MORN1: variants seen among roughly 807,000 people sequenced by gnomAD.
The protein encoded by MORN1 is MORN repeat containing 1.
MORN1 carries 67 observed loss-of-function variants against 61.9 expected under a neutral mutation model. The ratio of observed to expected loss-of-function variants is 1.08; its 90% CI spans 0.89 to 1.33. The LOEUF is 1.33. Among genes scored for constraint, MORN1 ranks in the 40% most tolerant of loss-of-function variants. The pLI is 0.00. For synonymous variants in MORN1, 301 were observed against 292.0 expected (o/e 1.03, Z -0.31); for missense variants, 752 against 691.2 (o/e 1.09, Z -0.99).
In MORN1 at chr1:2,321,341, C is replaced by T. The variant is rs1395210962; in HGVS notation, c.*42G>A. On this transcript the variant is annotated 3_prime_UTR_variant, in exon 14 of 14. Coordinates refer to ENST00000378531, the MANE Select transcript of MORN1 (RefSeq NM_024848.3). Reference sequence around the variant, plus strand: ...AGTCACGCAAGCAGAGGCAGCGTTTCCTTCCATTCACACCGAGGTGGCCTC... The same window carrying T: ...AGTCACGCAAGCAGAGGCAGCGTTTTCTTCCATTCACACCGAGGTGGCCTC... 7.4e-7 allele frequency: 1 copy of T among 1,356,358 alleles called. No individual in the cohort carries two copies. Among genetic ancestry groups the T allele is most frequent in the Non-Finnish European group, 9.8e-7 (1 of 1,016,822 alleles). 84.0% of individuals were successfully genotyped at this position (1,356,358 alleles called of 1,614,324 possible).
chr1:2,348,132 G>A (rs945361327), intron 10 of MORN1, among the ~76,000 whole-genome samples: 1 of 152,204 alleles, frequency 6.6e-6, no homozygotes, highest in African/African-American at 2.4e-5. Context: ...CCGTCGGTCT[G>A]GAACATTCCC....
chr1:2,374,684 C>A, intron 6 of MORN1, 127 bp from the exon 7 acceptor site: 2 of 710,966 alleles, frequency 2.8e-6, no homozygotes, highest in Non-Finnish European at 4.7e-6. Flanking sequence ...AAAACCACAT[C>A]GTCTCGAGGG....
At chr1:2,321,620 C>G (rs377111535) in intron 13 of MORN1, 41 bp from the exon 14 acceptor site, 2 of 1,436,256 alleles carry the variant, frequency 1.4e-6, no homozygotes, top group East Asian at 2.7e-5. Flanking sequence ...AGGCTCCTGT[C>G]CCTTCCCCTC....
rs1642154507 is a variant in MORN1 at position 2,372,935 on chromosome 1, T to A, written c.635-344A>T. ...ATGTTCCCGCACGTCTTCCCGCTGG[T>A]CGGGATTTAGGCCCTGCATTCCCTG... On this transcript the variant is annotated intron_variant, in intron 7 of 13. Transcript: ENST00000378531. This position sits in a 1 kb window ranked among gnomAD's most constrained non-coding sequence, Gnocchi z 5.4. Among the ~76,000 whole-genome samples, 1 of 152,238 alleles carries A rather than the reference T, an allele frequency of 6.6e-6. No individual in the cohort carries two copies. Among genetic ancestry groups the A allele is most frequent in the African/African-American group, 2.4e-5 (1 of 41,464 alleles).
intron 6 of MORN1, chr1:2,377,365 G>A (rs1214658646): frequency 6.6e-6 from 1 of 152,312 alleles, no homozygotes; most frequent in African/African-American, 2.4e-5. Flanking sequence ...TGTCCTCTGT[G>A]AGGGGCCCTC....
chr1:2,360,770 C>A (rs1641876010), intron 8 of MORN1, among the ~76,000 whole-genome samples: 1 of 152,186 alleles, frequency 6.6e-6, no homozygotes, highest in African/African-American at 2.4e-5. Flanking sequence ...TAAGAGGGAC[C>A]AGGACCTGGG....
In MORN1 at chr1:2,336,639, CT is replaced by C. The variant is rs1329160964; in HGVS notation, c.1170+77del. On this transcript the variant is annotated intron_variant, in intron 11 of 13. Coordinates refer to ENST00000378531, the MANE Select transcript of MORN1 (RefSeq NM_024848.3). ...CCAACCCCCCTGGGGCACACATGGC[CT>C]GGGTGTTGAGGTGGTGGGTGGGCAG... 3.8e-6 allele frequency: 6 copies of C among 1,580,436 alleles called. No homozygotes were observed. The East Asian group carries it at 1.4e-4, about 36-fold the overall frequency.
intron 10 of MORN1, among the ~76,000 whole-genome samples, chr1:2,355,764 C>T (rs1641750413): frequency 6.6e-6 from 1 of 152,204 alleles, no homozygotes; most frequent in Non-Finnish European, 1.5e-5. Context: ...GGCCCTGGCA[C>T]AGCCTGCCAA....
intron 12 of MORN1, among the ~76,000 whole-genome samples, chr1:2,329,554 C>A (rs1641103791): frequency 6.6e-6 from 1 of 152,118 alleles, no homozygotes; most frequent in Non-Finnish European, 1.5e-5. Context: ...CCATGAAGAC[C>A]ACAGCCAGGT....
At chr1:2,335,750 C>T (rs1324451333) in intron 12 of MORN1, among the ~76,000 whole-genome samples, 1 of 151,806 alleles carries the variant, frequency 6.6e-6, no homozygotes, top group Non-Finnish European at 1.5e-5. Flanking sequence ...CCAGCAGCTC[C>T]TCCACAGTGT....
chr1:2,345,968 G>A (rs1641506915), intron 10 of MORN1, among the ~76,000 whole-genome samples: 1 of 152,102 alleles, frequency 6.6e-6, no homozygotes, highest in African/African-American at 2.4e-5. Context: ...CTGCATCTGT[G>A]ATGAGACCTC....
At position 2,328,276 on chromosome 1, in the gene MORN1, G is replaced by A. The variant is rs938877651; in HGVS notation, c.1251-4133C>T. On this transcript the variant is annotated intron_variant, in intron 12 of 13. Transcript: ENST00000378531. ...GGCCAGGGAGGGCGGTTTGCAGCGG[G>A]GCTGTGAGGCCCAGGGGACCCCCTT... 2.0e-5 allele frequency among the ~76,000 whole-genome samples: 3 copies of A among 152,252 alleles called. No individual in the cohort carries two copies. In the South Asian group the frequency reaches 6.2e-4, roughly 31 times the overall value.
chr1:2,348,819 A>G (rs369739695), intron 10 of MORN1, among the ~76,000 whole-genome samples: 1 of 148,006 alleles, frequency 6.8e-6, no homozygotes, highest in African/African-American at 2.6e-5. Flanking sequence ...GGGCACGCAC[A>G]CACACGCACG....
At chr1:2,330,869 G>A (rs1641133422) in intron 12 of MORN1, among the ~76,000 whole-genome samples, 1 of 152,230 alleles carries the variant, frequency 6.6e-6, no homozygotes, top group Non-Finnish European at 1.5e-5. Context: ...GAATTCTCCT[G>A]TGTGGCTGGG....
At chr1:2,365,727 T>C (rs1312241540) in intron 8 of MORN1, among the ~76,000 whole-genome samples, 1 of 152,208 alleles carries the variant, frequency 6.6e-6, no homozygotes, top group East Asian at 1.9e-4. Flanking sequence ...CATGAAGAAA[T>C]GCTTACCATC....
At chr1:2,327,215 G>C (rs1352789396) in intron 12 of MORN1, among the ~76,000 whole-genome samples, 1 of 136,786 alleles carries the variant, frequency 7.3e-6, no homozygotes, top group African/African-American at 2.9e-5. Flanking sequence ...CAGAAACACA[G>C]AAACAAACAC....
chr1:2,389,344 C>G (rs1328965566), intron 2 of MORN1, among the ~76,000 whole-genome samples: 1 of 152,216 alleles, frequency 6.6e-6, no homozygotes, highest in Admixed American at 6.5e-5. Context: ...TCTCAGCTGA[C>G]TGCAACCTCT....
At chr1:2,338,064 G>A (rs933541191) in intron 10 of MORN1, among the ~76,000 whole-genome samples, 5 of 152,078 alleles carry the variant, frequency 3.3e-5, no homozygotes, top group Admixed American at 6.5e-5. Context: ...ATGGGGCCCC[G>A]GGGCAGCCCC....
At chr1:2,325,770 T>G (rs116797650) in intron 12 of MORN1, among the ~76,000 whole-genome samples, 1 of 151,012 alleles carries the variant, frequency 6.6e-6, no homozygotes, top group Non-Finnish European at 1.5e-5. Flanking sequence ...TACAGGCACG[T>G]GCCATCATGC....
Sources: allele counts gnomAD v4.1 joint callset (sites outside exome capture counted in the v4.1 genomes callset), GRCh38; gene constraint gnomAD v4.1.1; non-coding constraint Gnocchi (gnomAD v3.1); transcripts MANE v1.5; gene names NCBI Gene and HGNC (gene_info 2026-07-23, HGNC 2026-07-21).